The following CACNA2D3 variants were observed in gnomAD, a reference collection of about 807,000 sequenced individuals.
The protein encoded by CACNA2D3 is calcium voltage-gated channel auxiliary subunit alpha2delta 3, also known as voltage-dependent calcium channel subunit alpha-2/delta-3.
A neutral mutation model predicts 160.6 loss-of-function variants in CACNA2D3; 60 were observed. That is an observed-to-expected ratio of 0.37 (90% confidence interval 0.30 to 0.46). The LOEUF (loss-of-function observed/expected upper bound fraction) is 0.46. Ranked by LOEUF, CACNA2D3 falls within the 20% of genes least tolerant of loss-of-function variation. CACNA2D3 has a pLI of 1.00. For missense variants in CACNA2D3, 1,205 were observed against 1,365.0 expected, an observed-to-expected ratio of 0.88 and a Z score of 1.85; for synonymous variants, 558 against 492.9, an observed-to-expected ratio of 1.13 and a Z score of -1.75.
At chr3:54,809,149 A>T (rs984443364) in intron 13 of CACNA2D3, among the ~76,000 whole-genome samples, 1 of 151,788 alleles carries the variant, frequency 6.6e-6, no homozygotes, top group African/African-American at 2.4e-5. Context: ...TGGTCTACCA[A>T]GCTCCAAGGC....
intron 2 of CACNA2D3, among the ~76,000 whole-genome samples, chr3:54,279,583 T>C (rs1194466367): frequency 6.6e-6 from 1 of 152,120 alleles, no homozygotes; most frequent in Non-Finnish European, 1.5e-5. Flanking sequence ...CGCAGGAAGG[T>C]TGGATTTTCA....
rs187078395 is a variant in CACNA2D3 at position 54,815,786 on chromosome 3, A to T, written c.1381-1067A>T. Among the ~76,000 whole-genome samples the T allele has an allele frequency of 1.4e-4, 21 of 152,344 alleles. No homozygotes were observed. The East Asian group carries it at 2.7e-3, about 20-fold the overall frequency. On this transcript the variant is annotated intron_variant, in intron 13 of 37. Coordinates refer to ENST00000474759, the MANE Select transcript of CACNA2D3 (RefSeq NM_018398.3). ...CATTGGGTTGTTGTGATTTAATGGG[A>T]TAATGCAAAGACGTAATACAGTGCC...
chr3:54,127,077 T>C (rs951473869), intron 2 of CACNA2D3, among the ~76,000 whole-genome samples: 3 of 152,204 alleles, frequency 2.0e-5, no homozygotes, highest in Non-Finnish European at 4.4e-5. Context: ...TTCATCCTCC[T>C]CAGGGAGAAT....
At chr3:54,700,240 T>G (rs1239231609) in intron 11 of CACNA2D3, among the ~76,000 whole-genome samples, 1 of 152,132 alleles carries the variant, frequency 6.6e-6, no homozygotes, top group Non-Finnish European at 1.5e-5. Flanking sequence ...GCTGGGTGAG[T>G]GCTAAGTAAT....
intron 10 of CACNA2D3, among the ~76,000 whole-genome samples, chr3:54,628,213 G>A (rs763034632): frequency 5.3e-4 from 81 of 152,046 alleles, no homozygotes; most frequent in Non-Finnish European, 1.0e-3. Context: ...GTGACAGAGC[G>A]AGACTCCGTC....
intron 11 of CACNA2D3, among the ~76,000 whole-genome samples, chr3:54,670,096 G>A (rs1700131074): frequency 1.3e-5 from 2 of 152,158 alleles, no homozygotes; most frequent in African/African-American, 4.8e-5. Context: ...GAAGCTTGGC[G>A]AAAATTCTGC....
chr3:54,481,450 G>A (rs1700930557), intron 4 of CACNA2D3, among the ~76,000 whole-genome samples: 1 of 152,120 alleles, frequency 6.6e-6, no homozygotes, highest in East Asian at 1.9e-4. Context: ...TGGAATTTGG[G>A]GTGGCTTCTC....
At chr3:54,975,437 T>G (rs182595304) in intron 29 of CACNA2D3, among the ~76,000 whole-genome samples, 1,631 of 147,924 alleles carry the variant, frequency 0.011, 19 homozygotes, top group Middle Eastern at 0.066. Context: ...GAGAATCACC[T>G]GAACCTGGGA....
chr3:55,015,997 T>C (rs1703318604), intron 34 of CACNA2D3, among the ~76,000 whole-genome samples: 1 of 152,146 alleles, frequency 6.6e-6, no homozygotes, highest in South Asian at 2.1e-4. Flanking sequence ...GGGACAGAGG[T>C]TCTCACATTT....
At position 54,210,854 on chromosome 3, in the gene CACNA2D3, A is replaced by G. The variant is rs138891628; in HGVS notation, c.204+87260A>G. On this transcript the variant is annotated intron_variant, in intron 2 of 37. Transcript: ENST00000474759. Reference sequence around the variant, plus strand: ...TGGTGAGTTCTGGTAGTCCTTGGTAATGTGTAAAACACTGCCAGGCTGCAT... The same window carrying G: ...TGGTGAGTTCTGGTAGTCCTTGGTAGTGTGTAAAACACTGCCAGGCTGCAT... Among the ~76,000 whole-genome samples the G allele has an allele frequency of 5.6e-4, 85 of 152,286 alleles. 2 individuals carry two copies. The East Asian group carries it at 0.014, about 26-fold the overall frequency.
At chr3:54,681,563 A>C (rs1175050667) in intron 11 of CACNA2D3, among the ~76,000 whole-genome samples, 4 of 151,740 alleles carry the variant, frequency 2.6e-5, no homozygotes, top group Non-Finnish European at 5.9e-5. Flanking sequence ...TCTCAAAAAA[A>C]AAAAAAAAAG....
chr3:54,411,662 A>G (rs1699670202), intron 4 of CACNA2D3, among the ~76,000 whole-genome samples: 1 of 152,202 alleles, frequency 6.6e-6, no homozygotes, highest in South Asian at 2.1e-4. Flanking sequence ...AAAAAAATTC[A>G]TGTGATTTGC....
intron 37 of CACNA2D3, 63 bp downstream of exon 37, chr3:55,073,922 G>A: frequency 1.5e-6 from 2 of 1,361,452 alleles, no homozygotes; most frequent in Non-Finnish European, 2.1e-6. Flanking sequence ...GTCTCACACT[G>A]GTCAAAGAAC....
intron 4 of CACNA2D3, among the ~76,000 whole-genome samples, chr3:54,446,623 C>G (rs1175151492): frequency 1.3e-5 from 2 of 151,946 alleles, no homozygotes; most frequent in Non-Finnish European, 2.9e-5. Context: ...AGTACTGCCT[C>G]TTTTTGATCA....
At chr3:54,805,228 A>G (rs1195069264) in intron 13 of CACNA2D3, among the ~76,000 whole-genome samples, 1 of 152,238 alleles carries the variant, frequency 6.6e-6, no homozygotes, top group African/African-American at 2.4e-5. Context: ...AAATAGAGAC[A>G]CAAAAAACCC....
intron 34 of CACNA2D3, among the ~76,000 whole-genome samples, chr3:55,015,385 A>AT (rs1457485794): frequency 6.6e-6 from 1 of 152,112 alleles, no homozygotes; most frequent in Non-Finnish European, 1.5e-5. Context: ...CTCATAGTTT[A>AT]TTTTTTAATT....
chr3:55,007,982 CA>C, intron 33 of CACNA2D3, 140 bp downstream of exon 33: 2 of 587,210 alleles, frequency 3.4e-6, no homozygotes, highest in Non-Finnish European at 2.8e-6. Flanking sequence ...TTGAACATCT[CA>C]AAATATTGAA....
At chr3:54,988,864 A>C (rs559064815) in intron 31 of CACNA2D3, among the ~76,000 whole-genome samples, 1 of 152,152 alleles carries the variant, frequency 6.6e-6, no homozygotes, top group East Asian at 1.9e-4. Context: ...CACTTCTGCA[A>C]TCTCTGACAT....
At chr3:54,581,205 G>A (rs772257316) in intron 8 of CACNA2D3, among the ~76,000 whole-genome samples, 4 of 152,262 alleles carry the variant, frequency 2.6e-5, no homozygotes, top group Middle Eastern at 3.4e-3. Context: ...TGTGAGCTTC[G>A]GGCAAATAAA....
Sources: gnomAD v4.1 joint callset for allele counts (sites outside exome capture counted in the v4.1 genomes callset) on GRCh38, gnomAD v4.1.1 for gene constraint, MANE v1.5 for transcripts, NCBI Gene and HGNC (gene_info 2026-07-23, HGNC 2026-07-21) for gene names.